DLC1: variants seen among roughly 807,000 people sequenced by gnomAD.
The protein encoded by DLC1 is rho GTPase-activating protein 7.
In DLC1, 54 loss-of-function variants were observed where a neutral mutation model predicts 140.3. The ratio of observed to expected loss-of-function variants is 0.38; its 90% CI spans 0.31 to 0.48. The LOEUF is 0.48. Ranked by LOEUF, DLC1 falls within the 20% of genes least tolerant of loss-of-function variation. DLC1 has a pLI of 0.96. For synonymous variants in DLC1, 986 were observed against 728.1 expected (o/e 1.35, Z -5.70); for missense variants, 2,536 against 1,907.0 (o/e 1.33, Z -6.14).
At chr8:13,332,237 C>T (rs527409709) in intron 4 of DLC1, among the ~76,000 whole-genome samples, 56 of 152,228 alleles carry the variant, frequency 3.7e-4, no homozygotes, top group Admixed American at 5.9e-4. Flanking sequence ...GCGAATAAAG[C>T]GTAATGAACA....
chr8:13,542,452 T>C (rs1490662829), intron 1 of DLC1, among the ~76,000 whole-genome samples: 1 of 152,218 alleles, frequency 6.6e-6, no homozygotes, highest in Non-Finnish European at 1.5e-5. Context: ...CTATTGTAAC[T>C]GTATATTAAG....
At chr8:13,206,528 C>G (rs1827671594) in intron 5 of DLC1, among the ~76,000 whole-genome samples, 1 of 152,018 alleles carries the variant, frequency 6.6e-6, no homozygotes, top group African/African-American at 2.4e-5. Flanking sequence ...ATAGTCTCAA[C>G]AGTAAATGGC....
intron 1 of DLC1, among the ~76,000 whole-genome samples, chr8:13,597,325 C>A (rs112320284): frequency 6.6e-6 from 1 of 151,998 alleles, no homozygotes; most frequent in East Asian, 1.9e-4. Flanking sequence ...ATTAGGCCTT[C>A]CAAAGACGTG....
intron 2 of DLC1, among the ~76,000 whole-genome samples, chr8:13,431,133 T>G (rs1464937396): frequency 3.3e-5 from 5 of 151,812 alleles, no homozygotes; most frequent in African/African-American, 1.2e-4. Context: ...AAAAAGAAAA[T>G]GTATTGGTGA....
chr8:13,395,424 T>C (rs1009817645), intron 3 of DLC1, among the ~76,000 whole-genome samples: 5 of 152,152 alleles, frequency 3.3e-5, no homozygotes, highest in African/African-American at 1.2e-4. Context: ...CCAGCCTCTT[T>C]ATAATTCTTG....
intron 4 of DLC1, among the ~76,000 whole-genome samples, chr8:13,370,715 T>C (rs1280155817): frequency 6.6e-6 from 1 of 152,218 alleles, no homozygotes; most frequent in Non-Finnish European, 1.5e-5. Context: ...TGCTTTTCTT[T>C]TGGCTACGTT....
At chr8:13,170,550 GA>G (rs1262923245) in intron 5 of DLC1, among the ~76,000 whole-genome samples, 5 of 152,108 alleles carry the variant, frequency 3.3e-5, no homozygotes, top group African/African-American at 1.2e-4. Flanking sequence ...CCAACACGGT[GA>G]AACCCCGTCC....
rs565985543 is a variant in DLC1 at position 13,524,190 on chromosome 8, T to A, written c.-125-23994A>T. On this transcript the variant is annotated intron_variant, in intron 1 of 1. Transcript: ENST00000631382. ...TCTCACTCTGTTGCCCAGGCTGGAG[T>A]GCAGTGGCGCTATCTGGGCTCAATG... Among the ~76,000 whole-genome samples, 10 of 150,320 alleles carry A rather than the reference T, an allele frequency of 6.7e-5. 1 individual carries two copies. The highest frequency in any genetic ancestry group is 3.5e-3 in the Middle Eastern group (1 of 282).
At chr8:13,581,892 T>C (rs192770954) in intron 1 of DLC1, among the ~76,000 whole-genome samples, 2 of 152,106 alleles carry the variant, frequency 1.3e-5, no homozygotes, top group South Asian at 4.1e-4. Flanking sequence ...GTTCATGCAA[T>C]CTGAAGTCCA....
intron 5 of DLC1, among the ~76,000 whole-genome samples, chr8:13,181,385 G>A (rs150578704): frequency 0.098 from 14,394 of 147,140 alleles, 769 homozygotes; most frequent in South Asian, 0.16. Context: ...TGTGCACAAC[G>A]TGTAGGTTTG....
At chr8:13,095,064 G>GACCC in intron 11 of DLC1, 22 bp downstream of exon 11, 1 of 1,613,948 alleles carries the variant, frequency 6.2e-7, no homozygotes, top group Non-Finnish European at 8.5e-7. Context: ...TGAGTACGTG[G>GACCC]ACCCGCAGGC....
intron 4 of DLC1, among the ~76,000 whole-genome samples, chr8:13,316,138 C>G (rs1006823819): frequency 6.6e-6 from 1 of 152,158 alleles, no homozygotes; most frequent in Non-Finnish European, 1.5e-5. Flanking sequence ...GACAGCTAAC[C>G]CTTTCTGATT....
At chr8:13,195,783 C>T (rs555246488) in intron 5 of DLC1, among the ~76,000 whole-genome samples, 1 of 152,184 alleles carries the variant, frequency 6.6e-6, no homozygotes, top group South Asian at 2.1e-4. Flanking sequence ...GGTTGATGGC[C>T]ATGTGGCAGG....
intron 4 of DLC1, among the ~76,000 whole-genome samples, chr8:13,349,947 G>A (rs1466224905): frequency 6.6e-6 from 1 of 152,188 alleles, no homozygotes; most frequent in Non-Finnish European, 1.5e-5. Context: ...TCCGACTTCA[G>A]TCTCTGAGAC....
chr8:13,199,294 C>T (rs760739041), intron 5 of DLC1, among the ~76,000 whole-genome samples: 2 of 149,168 alleles, frequency 1.3e-5, no homozygotes, highest in South Asian at 4.3e-4. Context: ...AAGCAGTCCT[C>T]CTGCTTAGCC....
intron 4 of DLC1, among the ~76,000 whole-genome samples, chr8:13,372,221 T>A (rs1261749739): frequency 6.6e-6 from 1 of 152,120 alleles, no homozygotes; most frequent in Non-Finnish European, 1.5e-5. Flanking sequence ...GCCAAATAGA[T>A]ATAATTTAGT....
chr8:13,139,772 CG>C (rs1300906896), intron 5 of DLC1, among the ~76,000 whole-genome samples: 1 of 152,214 alleles, frequency 6.6e-6, no homozygotes, highest in Non-Finnish European at 1.5e-5. Context: ...CTGATTCTTT[CG>C]TGTGTCCCCT....
At chr8:13,328,331 G>A (rs1461541525) in intron 4 of DLC1, among the ~76,000 whole-genome samples, 1 of 152,042 alleles carries the variant, frequency 6.6e-6, no homozygotes, top group African/African-American at 2.4e-5. Context: ...TGATGAATAT[G>A]GGGAGAAGTA....
chr8:13,421,617 C>A (rs1461775574), intron 2 of DLC1, among the ~76,000 whole-genome samples: 1 of 152,084 alleles, frequency 6.6e-6, no homozygotes, highest in East Asian at 1.9e-4. Flanking sequence ...TGTGTCCTTG[C>A]AGGAGTTAGT....
Sources: gnomAD v4.1 joint callset for allele counts (sites outside exome capture counted in the v4.1 genomes callset) on GRCh38, gnomAD v4.1.1 for gene constraint, MANE v1.5 for transcripts, NCBI Gene and HGNC (gene_info 2026-07-23, HGNC 2026-07-21) for gene names.